Variants in CNTNAP5 observed in about 807,000 individuals in gnomAD.
CNTNAP5 encodes contactin associated protein family member 5, also known as contactin-associated protein-like 5.
In CNTNAP5, 72 loss-of-function variants were observed where a neutral mutation model predicts 150.2. The observed-to-expected ratio is 0.48, with a 90% confidence interval of 0.40 to 0.58. The LOEUF (loss-of-function observed/expected upper bound fraction) is 0.58. CNTNAP5 is among the 20% of genes least tolerant of loss of function. The pLI, the probability that CNTNAP5 is intolerant of heterozygous loss-of-function variation, is 0.00. For synonymous variants in CNTNAP5, 672 were observed against 619.8 expected (o/e 1.08, Z -1.25); for missense variants, 1,636 against 1,626.2 (o/e 1.01, Z -0.10).
rs1553474741 is a variant in CNTNAP5, at chr2:124,510,516, T to TATATATATATAC, written c.1327+5963_1327+5964insTATATATACATA. Among the ~76,000 whole-genome samples, 69 of 123,098 alleles carry TATATATATATAC rather than the reference T, an allele frequency of 5.6e-4. 1 individual carries two copies. Among genetic ancestry groups the TATATATATATAC allele is most frequent in the African/African-American group, 2.2e-3 (64 of 29,656 alleles). 80.8% of individuals were successfully genotyped at this position (123,098 alleles called of 152,430 possible). On this transcript the variant is annotated intron_variant, in intron 8 of 23. Transcript: ENST00000682447. ...ATATATATATATATATATATATATA[T>TATATATATATAC]ATACATATATCTCCATATATCAACA...
intron 12 of CNTNAP5, among the ~76,000 whole-genome samples, chr2:124,633,527 C>T (rs141428439): frequency 1.6e-3 from 237 of 152,300 alleles, no homozygotes; most frequent in African/African-American, 5.4e-3. Context: ...TTGCAAGGTA[C>T]AGCCTCTGTG....
intron 8 of CNTNAP5, among the ~76,000 whole-genome samples, chr2:124,506,984 A>T (rs1694420831): frequency 6.6e-6 from 1 of 152,226 alleles, no homozygotes; most frequent in African/African-American, 2.4e-5. Context: ...GAATAACTTG[A>T]GTCTATAAAA....
At chr2:124,181,271 T>C (rs1364964167) in intron 1 of CNTNAP5, among the ~76,000 whole-genome samples, 1 of 152,120 alleles carries the variant, frequency 6.6e-6, no homozygotes, top group Non-Finnish European at 1.5e-5. Flanking sequence ...GTAGAATTAA[T>C]TAAAGTATGT....
At chr2:124,317,421 G>A (rs577374169) in intron 3 of CNTNAP5, among the ~76,000 whole-genome samples, 4 of 152,202 alleles carry the variant, frequency 2.6e-5, no homozygotes, top group African/African-American at 9.6e-5. Context: ...TGTCTCAGGA[G>A]CCTGAGACAG....
chr2:124,154,564 C>T (rs1358890995), intron 1 of CNTNAP5, among the ~76,000 whole-genome samples: 1 of 152,084 alleles, frequency 6.6e-6, no homozygotes, highest in Non-Finnish European at 1.5e-5. Flanking sequence ...TCTGTCCTGC[C>T]ACATGATGGA....
At chr2:124,084,527 T>G (rs1434906793) in intron 1 of CNTNAP5, among the ~76,000 whole-genome samples, 2 of 151,936 alleles carry the variant, frequency 1.3e-5, no homozygotes, top group African/African-American at 4.8e-5. Context: ...CCTCAGCCTC[T>G]CAAAGTGCTG....
Position 124,584,892 on chromosome 2 carries a change from G to A in CNTNAP5, c.1756+21569G>A, listed in dbSNP as rs114439353. 1.7e-3 allele frequency among the ~76,000 whole-genome samples: 252 copies of A among 152,256 alleles called. 2 individuals are homozygous for A. The highest frequency in any genetic ancestry group is 4.9e-3 in the African/African-American group (203 of 41,542). On this transcript the variant is annotated intron_variant, in intron 11 of 23. Transcript: ENST00000682447. ...GCATTTAGAGGCGAAAGCATGGAGCGTAGAGTCAAGAACAAACATCAGATT... is the reference window on the plus strand; with the variant it reads ...GCATTTAGAGGCGAAAGCATGGAGCATAGAGTCAAGAACAAACATCAGATT...
At chr2:124,734,551 TG>T (rs1306779341) in intron 13 of CNTNAP5, among the ~76,000 whole-genome samples, 2 of 151,964 alleles carry the variant, frequency 1.3e-5, no homozygotes, top group Admixed American at 1.3e-4. Flanking sequence ...GTAGCAAATT[TG>T]TGAGAAAAGT....
rs560796742 is a variant in CNTNAP5 at position 124,920,028 on chromosome 2, A to G, written c.*5740A>G. On this transcript the variant is annotated 3_prime_UTR_variant, in exon 24 of 24. Coordinates refer to ENST00000682447, the MANE Select transcript of CNTNAP5 (RefSeq NM_001367498.1). ...AGGAGTGTAGTGTCCCAGCCCTGAC[A>G]ACGAGTACCGCCAGGGACCTACCAT... is the stretch of plus-strand genomic sequence containing the variant. Among the ~76,000 whole-genome samples the G allele has an allele frequency of 1.3e-3, 202 of 152,178 alleles. No individual in the cohort carries two copies. Among genetic ancestry groups the G allele is most frequent in the African/African-American group, 4.7e-3 (196 of 41,546 alleles).
At chr2:124,692,835 A>T (rs1442012506) in intron 13 of CNTNAP5, among the ~76,000 whole-genome samples, 5 of 152,140 alleles carry the variant, frequency 3.3e-5, no homozygotes, top group Non-Finnish European at 7.4e-5. Flanking sequence ...AACTGTTGAA[A>T]GGCCAGGAGA....
chr2:124,649,144 G>C (rs1449899652), intron 13 of CNTNAP5, among the ~76,000 whole-genome samples: 1 of 152,110 alleles, frequency 6.6e-6, no homozygotes, highest in Non-Finnish European at 1.5e-5. Context: ...CTTAACCAGA[G>C]AATTCTGAAC....
chr2:124,626,230 G>C (rs148746214), intron 12 of CNTNAP5, among the ~76,000 whole-genome samples: 250 of 152,264 alleles, frequency 1.6e-3, no homozygotes, highest in African/African-American at 5.7e-3. Flanking sequence ...ATCCTGGGGT[G>C]TGTTAGTCCA....
intron 1 of CNTNAP5, among the ~76,000 whole-genome samples, chr2:124,090,279 A>G (rs1185607357): frequency 6.6e-6 from 1 of 152,210 alleles, no homozygotes; most frequent in Admixed American, 6.5e-5. Flanking sequence ...CTTTCTCAAA[A>G]TAAAAAAAGA....
At chr2:124,453,343 A>G (rs1478592496) in intron 6 of CNTNAP5, among the ~76,000 whole-genome samples, 1 of 151,966 alleles carries the variant, frequency 6.6e-6, no homozygotes, top group Non-Finnish European at 1.5e-5. Flanking sequence ...AGAAAATAGA[A>G]TAAGAAAATA....
intron 1 of CNTNAP5, among the ~76,000 whole-genome samples, chr2:124,065,354 C>A (rs1459320286): frequency 3.9e-5 from 6 of 152,058 alleles, no homozygotes; most frequent in Non-Finnish European, 8.8e-5. Flanking sequence ...TGATTCAGAC[C>A]TTGAGCCATT....
chr2:124,766,136 T>C (rs1479794118), intron 16 of CNTNAP5, among the ~76,000 whole-genome samples: 1 of 152,170 alleles, frequency 6.6e-6, no homozygotes, highest in Non-Finnish European at 1.5e-5. Flanking sequence ...GCTATTTTTT[T>C]GGTTCTCTGC....
In CNTNAP5 at chr2:124,772,945, C is replaced by T. The variant is rs1255951986; in HGVS notation, c.2680C>T (p.Leu894Phe). The T allele has an allele frequency of 4.3e-6, 7 of 1,613,740 alleles. No individual in the cohort carries two copies. The South Asian group carries it at 5.5e-5, about 13-fold the overall frequency. ...LKETSLQVDN[L>F]PRSTRETSEE... ...GGAGACCTCCCTGCAGGTGGACAAC[C>T]TTCCAAGGAGCACCAGGGAGACGTC... The change falls in exon 17 of 24, where the codon CTT becomes TTT. Residue 894 changes from leucine (L) to phenylalanine (F), a missense_variant. Transcript: ENST00000682447.
At chr2:124,271,370 G>C (rs1348688920) in intron 3 of CNTNAP5, among the ~76,000 whole-genome samples, 1 of 152,110 alleles carries the variant, frequency 6.6e-6, no homozygotes, top group African/African-American at 2.4e-5. Flanking sequence ...GCATGTCTGG[G>C]CCAGGAGACT....
chr2:124,319,808 G>A (rs1689055321), intron 3 of CNTNAP5, among the ~76,000 whole-genome samples: 1 of 152,142 alleles, frequency 6.6e-6, no homozygotes, highest in Non-Finnish European at 1.5e-5. Context: ...GGGTTGGGAA[G>A]GTGGCAAAAT....
Sources: gnomAD v4.1 joint callset for allele counts (sites outside exome capture counted in the v4.1 genomes callset) on GRCh38, gnomAD v4.1.1 for gene constraint, MANE v1.5 for transcripts, NCBI Gene and HGNC (gene_info 2026-07-23, HGNC 2026-07-21) for gene names.